STAU2: variants seen among roughly 807,000 people sequenced by gnomAD.
The protein encoded by STAU2 is staufen double-stranded RNA binding protein 2.
In STAU2, 20 loss-of-function variants were observed where a neutral mutation model predicts 65.9. The ratio of observed to expected loss-of-function variants is 0.30; its 90% confidence interval spans 0.21 to 0.44. STAU2 has a LOEUF of 0.44. STAU2 is among the 20% of genes least tolerant of loss of function. The probability of loss-of-function intolerance (pLI) is 1.00; values close to 1 mark genes in which losing one functional copy is unlikely to be tolerated. For missense variants in STAU2, 558 were observed against 683.9 expected (o/e 0.82, Z 2.05); for synonymous variants, 232 against 233.9 (o/e 0.99, Z 0.07).
intron 13 of STAU2, chr8:73,551,804 A>T: frequency 8.2e-7 from 1 of 1,222,442 alleles, no homozygotes; most frequent in Non-Finnish European, 1.0e-6. Flanking sequence ...GACAGGCAGC[A>T]AAAGAATTAC....
At chr8:73,483,968 A>G (rs1820779687) in intron 13 of STAU2, among the ~76,000 whole-genome samples, 1 of 152,178 alleles carries the variant, frequency 6.6e-6, no homozygotes, top group African/African-American at 2.4e-5. Context: ...TTTCAGCCAC[A>G]GCGTCAGGAA....
intron 4 of STAU2, among the ~76,000 whole-genome samples, chr8:73,701,988 A>G (rs1485170553): frequency 2.0e-5 from 3 of 152,182 alleles, no homozygotes; most frequent in Non-Finnish European, 4.4e-5. Context: ...AGAGACAAAC[A>G]TCACATGTTG....
chr8:73,505,524 C>G (rs1022245993), intron 13 of STAU2, among the ~76,000 whole-genome samples: 1 of 151,948 alleles, frequency 6.6e-6, no homozygotes, highest in Admixed American at 6.6e-5. Flanking sequence ...AGGTTTGGAC[C>G]TAAAAATGCA....
At chr8:73,581,773 AATTCTT>A (rs1471168086) in intron 12 of STAU2, among the ~76,000 whole-genome samples, 6 of 142 alleles carry the variant, frequency 0.042, no homozygotes, top group African/African-American at 0.4. Context: ...TCACTGAAAT[AATTCTT>A]TTCAAGAGGC....
intron 13 of STAU2, among the ~76,000 whole-genome samples, chr8:73,451,589 G>C (rs1818804035): frequency 6.6e-6 from 1 of 151,728 alleles, no homozygotes; most frequent in African/African-American, 2.4e-5. Context: ...TAGATCAAAG[G>C]AGGTGATTGA....
chr8:73,682,599 G>T (rs889520945), intron 5 of STAU2, among the ~76,000 whole-genome samples: 17 of 151,668 alleles, frequency 1.1e-4, no homozygotes, highest in Non-Finnish European at 1.9e-4. Context: ...CCCAGCAGAA[G>T]AAAAGAAATA....
chr8:73,588,514 G>A (rs7820246), intron 11 of STAU2, among the ~76,000 whole-genome samples: 23,257 of 152,146 alleles, frequency 0.15, 1,812 homozygotes, highest in African/African-American at 0.17. Flanking sequence ...TGGCTGCACT[G>A]AGGGATAAGC....
intron 13 of STAU2, among the ~76,000 whole-genome samples, chr8:73,472,162 T>C (rs1322282369): frequency 6.6e-6 from 1 of 152,050 alleles, no homozygotes; most frequent in Non-Finnish European, 1.5e-5. Flanking sequence ...TGTCAAAACA[T>C]GAGAAGAAAA....
chr8:73,609,298 A>G (rs540630401), intron 9 of STAU2, among the ~76,000 whole-genome samples: 3 of 152,240 alleles, frequency 2.0e-5, no homozygotes, highest in East Asian at 1.9e-4. Flanking sequence ...GAAAGAGCAA[A>G]GGAAACTTTT....
chr8:73,486,566 C>A (rs983915138), intron 13 of STAU2, among the ~76,000 whole-genome samples: 1 of 149,838 alleles, frequency 6.7e-6, no homozygotes, highest in Non-Finnish European at 1.5e-5. Flanking sequence ...CAAACATGAC[C>A]GCTAATTTTA....
At chr8:73,745,994 G>A (rs745735048) in intron 1 of STAU2, among the ~76,000 whole-genome samples, 7 of 151,166 alleles carry the variant, frequency 4.6e-5, no homozygotes, top group Non-Finnish European at 1.0e-4. Context: ...CTCTCACACA[G>A]CGGATTCCGT....
chr8:73,676,819 C>T (rs1442824958), intron 5 of STAU2, among the ~76,000 whole-genome samples: 1 of 152,178 alleles, frequency 6.6e-6, no homozygotes, highest in African/African-American at 2.4e-5. Context: ...TGGTCTCAAA[C>T]TCCTGACCTC....
At chr8:73,548,389 C>A (rs955355286) in intron 13 of STAU2, among the ~76,000 whole-genome samples, 9 of 151,810 alleles carry the variant, frequency 5.9e-5, no homozygotes, top group African/African-American at 2.2e-4. Context: ...CAGCCACCAC[C>A]CCCCCACTTC....
chr8:73,596,385 T>G (rs1341598148), intron 10 of STAU2, among the ~76,000 whole-genome samples: 1 of 152,160 alleles, frequency 6.6e-6, no homozygotes, highest in East Asian at 1.9e-4. Context: ...TGTGAGCAAT[T>G]TATACATGTA....
chr8:73,730,547 C>G (rs546927081), intron 3 of STAU2, among the ~76,000 whole-genome samples: 1 of 151,894 alleles, frequency 6.6e-6, no homozygotes, highest in South Asian at 2.1e-4. Context: ...GCCAACATGG[C>G]AAAACCCCGT....
intron 13 of STAU2, among the ~76,000 whole-genome samples, chr8:73,499,352 G>A (rs1821610953): frequency 1.3e-5 from 2 of 151,846 alleles, no homozygotes; most frequent in Non-Finnish European, 2.9e-5. Flanking sequence ...TGCAATACTT[G>A]AAAGTGGATA....
At chr8:73,746,952 G>GCGCGCCCCCGCCTGCGCAGCCGCTCC, upstream of STAU2, 1 of 832,972 alleles carries the variant, frequency 1.2e-6, no homozygotes, top group African/African-American at 1.9e-5. Context: ...CGCTCGCGCC[G>GCGCGCCCCCGCCTGCGCAGCCGCTCC]CGCGCCCCCG....
intron 6 of STAU2, chr8:73,651,505 A>AC (rs1313229592): frequency 2.7e-6 from 2 of 728,134 alleles, no homozygotes; most frequent in Non-Finnish European, 4.9e-6. Context: ...CACTGCACGC[A>AC]CCCCTGGCTT....
At chr8:73,621,609 C>T (rs1471126833) in intron 6 of STAU2, among the ~76,000 whole-genome samples, 1 of 152,132 alleles carries the variant, frequency 6.6e-6, no homozygotes, top group East Asian at 1.9e-4. Context: ...AGATGAACCA[C>T]GAAAACTCCC....
Sources: allele counts gnomAD v4.1 joint callset (sites outside exome capture counted in the v4.1 genomes callset), GRCh38; gene constraint gnomAD v4.1.1; transcripts MANE v1.5; gene names NCBI Gene and HGNC (gene_info 2026-07-23, HGNC 2026-07-21).